Variants in FLNB observed in about 807,000 individuals in gnomAD.
FLNB encodes the protein filamin B.
In FLNB, 111 loss-of-function variants were observed where a neutral mutation model predicts 250.6. The ratio of observed to expected loss-of-function variants is 0.44; its 90% CI spans 0.38 to 0.52. The LOEUF (loss-of-function observed/expected upper bound fraction) is 0.52, where lower values mean the gene tolerates loss of function less well. FLNB is among the 20% of genes least tolerant of loss of function. The pLI, the probability that FLNB is intolerant of heterozygous loss-of-function variation, is 0.00. For synonymous variants in FLNB, 1,302 were observed against 1,372.1 expected (o/e 0.95, Z 1.13); for missense variants, 2,869 against 3,447.8 (o/e 0.83, Z 4.20).
At chr3:58,161,233 A>C (rs1234925619) in intron 42 of FLNB, among the ~76,000 whole-genome samples, 1 of 152,148 alleles carries the variant, frequency 6.6e-6, no homozygotes, top group Non-Finnish European at 1.5e-5. Flanking sequence ...AGTGAGAGAG[A>C]GAATCCATTC....
chr3:58,087,108 TCAAA>T (rs35229385), intron 4 of FLNB, among the ~76,000 whole-genome samples: 66,512 of 151,346 alleles, frequency 0.44, 16,285 homozygotes, highest in East Asian at 0.92. Flanking sequence ...AGACTCTGTC[TCAAA>T]CAAACAAACA....
intron 39 of FLNB, 72 bp downstream of exon 39, chr3:58,153,713 C>G: frequency 1.3e-6 from 2 of 1,563,352 alleles, no homozygotes; most frequent in Non-Finnish European, 1.8e-6. Context: ...CACCCACATA[C>G]TTTTTTGCCC....
At chr3:58,133,480 C>T (rs2097311272) in intron 26 of FLNB, among the ~76,000 whole-genome samples, 1 of 130,600 alleles carries the variant, frequency 7.7e-6, no homozygotes, top group Non-Finnish European at 1.7e-5. Context: ...TAGTAGTAGA[C>T]AATCATTGAT....
intron 1 of FLNB, among the ~76,000 whole-genome samples, chr3:58,056,101 ATTTAT>A (rs2097170025): frequency 7.6e-6 from 1 of 131,142 alleles, no homozygotes; most frequent in Non-Finnish European, 1.5e-5. Context: ...TTATTTATTT[ATTTAT>A]TTTTTTTTTT....
intron 1 of FLNB, among the ~76,000 whole-genome samples, chr3:58,047,949 A>G (rs567516493): frequency 1.3e-5 from 2 of 152,252 alleles, no homozygotes; most frequent in East Asian, 3.9e-4. Flanking sequence ...AAGCATCTCT[A>G]AGAAAAAGGA....
chr3:58,066,324 A>G (rs138305028), intron 1 of FLNB, among the ~76,000 whole-genome samples: 2,815 of 149,922 alleles, frequency 0.019, 38 homozygotes, highest in Middle Eastern at 0.034. Flanking sequence ...GGTTCAAGCT[A>G]TTCTCCTGCC....
At chr3:58,030,041 A>G (rs900220908) in intron 1 of FLNB, among the ~76,000 whole-genome samples, 2 of 152,222 alleles carry the variant, frequency 1.3e-5, no homozygotes, top group African/African-American at 2.4e-5. Flanking sequence ...CACTTCCCCA[A>G]TGGAAAGGGC....
chr3:58,130,503 G>T (rs1274199128), intron 24 of FLNB, among the ~76,000 whole-genome samples: 2 of 152,094 alleles, frequency 1.3e-5, no homozygotes, highest in Non-Finnish European at 2.9e-5. Context: ...TGGGTTCCTG[G>T]GGGGTGTTAA....
At position 58,109,144 on chromosome 3, in the gene FLNB, G is replaced by A. The variant is rs568705162; in HGVS notation, c.2056-35G>A. ...CCCTGTCTGATAGAGACAGTGTGAG[G>A]GCCACCTCTGGTCCTAGCTCTGGCT... On this transcript the variant is annotated intron_variant, in intron 13 of 45. Transcript: ENST00000295956. The A allele has an allele frequency of 1.2e-5, 20 of 1,614,044 alleles. No homozygotes were observed. In the African/African-American group the frequency reaches 2.0e-4, roughly 16 times the overall value.
chr3:58,124,246 C>T, intron 21 of FLNB, 86 bp from the exon 22 acceptor site: 2 of 1,389,302 alleles, frequency 1.4e-6, no homozygotes, highest in South Asian at 1.2e-5. Context: ...CTTCATGTGT[C>T]CTGAAGTGCC....
At chr3:58,010,104 G>T (rs1179513089) in intron 1 of FLNB, among the ~76,000 whole-genome samples, 3 of 144,516 alleles carry the variant, frequency 2.1e-5, no homozygotes, top group African/African-American at 7.6e-5. Flanking sequence ...GTATGGGTGT[G>T]TGTATGTGTG....
rs771524639 is a variant in FLNB, at chr3:58,153,474, G to A, written c.6467G>A (p.Arg2156Gln). The part of the protein sequence containing the change: ...VPMGKNSHCV[R>Q]FVPQEMGVHT... ...ATGGGGAAGAACTCACACTGCGTCCGGTTTGTGCCCCAGGAGATGGGCGTG... is the reference window on the plus strand; with the variant it reads ...ATGGGGAAGAACTCACACTGCGTCCAGTTTGTGCCCCAGGAGATGGGCGTG... The change falls in exon 39 of 46, where the codon CGG becomes CAG. Residue 2156 changes from arginine (R) to glutamine (Q), a missense_variant. By Grantham distance (43) the Arg-to-Gln change is conservative. This residue lies in a region of FLNB where 1,084 missense variants were observed against 1,315.5 expected (regional missense o/e 0.82). Coordinates refer to ENST00000295956, the MANE Select transcript of FLNB (RefSeq NM_001457.4). The A allele has an allele frequency of 2.5e-5, 40 of 1,614,116 alleles. No homozygotes were observed. The highest frequency in any genetic ancestry group is 3.3e-5 in the South Asian group (3 of 91,092).
At chr3:58,071,893 C>T (rs1202324574) in intron 1 of FLNB, among the ~76,000 whole-genome samples, 1 of 152,202 alleles carries the variant, frequency 6.6e-6, no homozygotes, top group East Asian at 1.9e-4. Flanking sequence ...TCCTTGACCT[C>T]TGGGGAACTC....
intron 24 of FLNB, among the ~76,000 whole-genome samples, chr3:58,130,217 C>T (rs942419344): frequency 1.4e-4 from 22 of 152,136 alleles, no homozygotes; most frequent in Non-Finnish European, 2.2e-4. Flanking sequence ...CATCTCTCTC[C>T]GTTCTGTTGT....
chr3:58,050,735 G>C (rs542205623), intron 1 of FLNB, among the ~76,000 whole-genome samples: 55 of 152,336 alleles, frequency 3.6e-4, no homozygotes, highest in Admixed American at 7.2e-4. Context: ...TAAGTCTCCA[G>C]ATTGGTGCAC....
chr3:58,156,145 G>A, intron 41 of FLNB, 70 bp downstream of exon 41: 1 of 1,168,720 alleles, frequency 8.6e-7, no homozygotes, highest in Non-Finnish European at 1.3e-6. Context: ...TCCTGAGGCT[G>A]CTTCAATGTC....
In FLNB at chr3:58,138,406, C is replaced by T. The variant is rs200905679; in HGVS notation, c.4986C>T (p.Ala1662=). ...CCCCAGATGGCACTGAGGCCGAGGC[C>T]GATGTCATTGAGAATGAAGATGGAA... ...VLTPDGTEAE[A]DVIENEDGTY... The change falls in exon 29 of 46, where the codon GCC becomes GCT. Residue 1662 remains alanine (A), a synonymous_variant. Transcript: ENST00000295956. 51 of 1,614,130 alleles carry T rather than the reference C, an allele frequency of 3.2e-5. No individual in the cohort carries two copies. The Admixed American group carries it at 5.0e-4, about 16-fold the overall frequency.
At chr3:58,106,448 C>T (rs2097259808) in intron 11 of FLNB, among the ~76,000 whole-genome samples, 1 of 149,144 alleles carries the variant, frequency 6.7e-6, no homozygotes, top group Admixed American at 6.7e-5. Context: ...TGAGCCACCA[C>T]ACCCAGCCCA....
intron 1 of FLNB, among the ~76,000 whole-genome samples, chr3:58,060,562 A>AGGC (rs2097176658): frequency 6.6e-6 from 1 of 151,692 alleles, no homozygotes. Flanking sequence ...CATGTTGGCC[A>AGGC]GGCTGGTCTC....
Sources: gnomAD v4.1 joint callset for allele counts (sites outside exome capture counted in the v4.1 genomes callset) on GRCh38, gnomAD v4.1.1 for gene constraint, gnomAD v4.1.1 regional missense constraint, MANE v1.5 for transcripts, NCBI Gene and HGNC (gene_info 2026-07-23, HGNC 2026-07-21) for gene names.